CTNNA3: variants seen among roughly 807,000 people sequenced by gnomAD.
CTNNA3 encodes catenin alpha-3.
A neutral mutation model predicts 95.7 loss-of-function variants in CTNNA3; 76 were observed. That is an observed-to-expected ratio of 0.79 (90% CI 0.66 to 0.96). The LOEUF (loss-of-function observed/expected upper bound fraction) is 0.96. Ranked by LOEUF, CTNNA3 falls within the 40% of genes least tolerant of loss-of-function variation. The pLI, the probability that CTNNA3 is intolerant of heterozygous loss-of-function variation, is 0.00. For missense variants in CTNNA3, 1,191 were observed against 1,089.8 expected (o/e 1.09, Z -1.31); for synonymous variants, 431 against 374.4 (o/e 1.15, Z -1.74).
chr10:67,521,991 G>C, intron 4 of CTNNA3, 30 bp from the exon 5 acceptor site: 1 of 1,590,064 alleles, frequency 6.3e-7, no homozygotes, highest in Non-Finnish European at 8.6e-7. Context: ...TAGATCATTA[G>C]GATAGCAGCA....
At chr10:66,772,976 G>T (rs1840154766) in intron 8 of CTNNA3, among the ~76,000 whole-genome samples, 1 of 152,162 alleles carries the variant, frequency 6.6e-6, no homozygotes, top group Admixed American at 6.5e-5. Flanking sequence ...TCTCTTTCCT[G>T]TGAGAAGAAC....
intron 7 of CTNNA3, among the ~76,000 whole-genome samples, chr10:66,964,732 C>T (rs1398868085): frequency 2.6e-5 from 4 of 152,106 alleles, no homozygotes; most frequent in African/African-American, 9.7e-5. Flanking sequence ...TTCATGATCC[C>T]TCCCTAAAAC....
Position 67,372,099 on chromosome 10 carries a change from T to G in CTNNA3, c.579+149743A>C, listed in dbSNP as rs536097597. On this transcript the variant is annotated intron_variant, in intron 5 of 17. Coordinates refer to ENST00000433211, the MANE Select transcript of CTNNA3 (RefSeq NM_013266.4). Reference sequence around the variant, plus strand: ...TGTTTTTTTTTTCTTGTAAATTTGTTTGAGTTCTTTGTAGATTCTGGATAT... The same window carrying G: ...TGTTTTTTTTTTCTTGTAAATTTGTGTGAGTTCTTTGTAGATTCTGGATAT... Among the ~76,000 whole-genome samples, 18 of 152,300 alleles carry G rather than the reference T, an allele frequency of 1.2e-4. 1 individual carries two copies. In the South Asian group the frequency reaches 3.7e-3, roughly 32 times the overall value.
chr10:66,256,526 C>G (rs948694751), intron 13 of CTNNA3, among the ~76,000 whole-genome samples: 5 of 152,058 alleles, frequency 3.3e-5, no homozygotes, highest in Non-Finnish European at 7.4e-5. Context: ...TCGAGACCAG[C>G]CTGGCCAACA....
chr10:66,224,970 C>A (rs528587324), intron 13 of CTNNA3, among the ~76,000 whole-genome samples: 169 of 151,842 alleles, frequency 1.1e-3, no homozygotes, highest in Non-Finnish European at 1.4e-3. Context: ...TACATATATA[C>A]AAAGCATAAT....
chr10:66,786,739 A>T (rs1420610313), intron 7 of CTNNA3, among the ~76,000 whole-genome samples: 1 of 152,220 alleles, frequency 6.6e-6, no homozygotes, highest in African/African-American at 2.4e-5. Flanking sequence ...CTACCTTGGA[A>T]ACATCCCACA....
chr10:67,259,188 CT>C (rs1315306640), intron 5 of CTNNA3, among the ~76,000 whole-genome samples: 2 of 152,126 alleles, frequency 1.3e-5, no homozygotes, highest in African/African-American at 4.8e-5. Context: ...CTTTTAACTA[CT>C]TACTACTACA....
In CTNNA3 at chr10:67,599,837, C is replaced by G. The variant is rs560555304; in HGVS notation, c.292+7020G>C. The stretch of plus-strand genomic sequence containing the variant: ...ATCCATAGATCTAATCTAGTCCTAA[C>G]CAAAATCTCAGTGGACTTTTTTGTA... On this transcript the variant is annotated intron_variant, in intron 3 of 17. Coordinates refer to ENST00000433211, the MANE Select transcript of CTNNA3 (RefSeq NM_013266.4). 2.0e-5 allele frequency among the ~76,000 whole-genome samples: 3 copies of G among 152,164 alleles called. No homozygotes were observed. In the East Asian group the frequency reaches 5.8e-4, roughly 29 times the overall value.
At chr10:67,750,419 G>C (rs1301333007) in intron 1 of CTNNA3, 2 of 1,484,824 alleles carry the variant, frequency 1.3e-6, no homozygotes, top group African/African-American at 2.8e-5. Context: ...CATTGACTGT[G>C]CCTATGTCTA....
At chr10:66,343,562 C>T (rs1040348737) in intron 12 of CTNNA3, among the ~76,000 whole-genome samples, 5 of 151,576 alleles carry the variant, frequency 3.3e-5, no homozygotes, top group African/African-American at 1.2e-4. Context: ...ACAGAGGATA[C>T]TGGGGCTGGG....
intron 9 of CTNNA3, among the ~76,000 whole-genome samples, chr10:66,644,414 A>C (rs1054244683): frequency 6.8e-6 from 1 of 147,694 alleles, no homozygotes; most frequent in Non-Finnish European, 1.5e-5. Flanking sequence ...TTTTGAGACC[A>C]AGTCTCTTAC....
intron 7 of CTNNA3, among the ~76,000 whole-genome samples, chr10:67,072,774 G>A (rs1856537730): frequency 6.6e-6 from 1 of 152,106 alleles, no homozygotes; most frequent in Admixed American, 6.5e-5. Context: ...TACAAAATTT[G>A]GTAAATATCT....
chr10:66,227,028 A>C (rs1398944867), intron 13 of CTNNA3, among the ~76,000 whole-genome samples: 1 of 151,580 alleles, frequency 6.6e-6, no homozygotes, highest in African/African-American at 2.4e-5. Flanking sequence ...CTCTTTTTTG[A>C]GTTGGATATA....
intron 6 of CTNNA3, among the ~76,000 whole-genome samples, chr10:67,203,764 A>G (rs1271894784): frequency 6.6e-6 from 1 of 152,236 alleles, no homozygotes; most frequent in Non-Finnish European, 1.5e-5. Flanking sequence ...CTTCCATGAC[A>G]AAATATTCCT....
intron 7 of CTNNA3, among the ~76,000 whole-genome samples, chr10:66,997,879 C>A (rs1455990500): frequency 6.6e-6 from 1 of 152,114 alleles, no homozygotes; most frequent in Non-Finnish European, 1.5e-5. Context: ...CCCCACACTC[C>A]TAATTGGTGA....
At chr10:65,944,805 G>T (rs2133188331) in intron 17 of CTNNA3, among the ~76,000 whole-genome samples, 1 of 152,144 alleles carries the variant, frequency 6.6e-6, no homozygotes, top group South Asian at 2.1e-4. Flanking sequence ...AAACACAAAA[G>T]AGACCAAATA....
At chr10:67,677,169 C>A (rs778768542) in intron 1 of CTNNA3, among the ~76,000 whole-genome samples, 2 of 152,086 alleles carry the variant, frequency 1.3e-5, no homozygotes, top group African/African-American at 4.8e-5. Flanking sequence ...GAAAAAGACC[C>A]TTTTACGCTA....
At chr10:66,331,825 C>T (rs1229454667) in intron 12 of CTNNA3, among the ~76,000 whole-genome samples, 4 of 151,780 alleles carry the variant, frequency 2.6e-5, no homozygotes, top group Non-Finnish European at 5.9e-5. Flanking sequence ...GTAGTTTTTT[C>T]CAATTCTGTG....
chr10:66,030,665 A>G (rs576320022), intron 15 of CTNNA3, among the ~76,000 whole-genome samples: 2 of 152,224 alleles, frequency 1.3e-5, no homozygotes, highest in Non-Finnish European at 1.5e-5. Flanking sequence ...TTTATGACTA[A>G]GTCCTCAAAA....
Sources: allele counts gnomAD v4.1 joint callset (sites outside exome capture counted in the v4.1 genomes callset), GRCh38; gene constraint gnomAD v4.1.1; transcripts MANE v1.5; gene names NCBI Gene and HGNC (gene_info 2026-07-23, HGNC 2026-07-21).